Variants in TANGO6 observed in about 807,000 individuals in gnomAD.
TANGO6 encodes the protein transport and Golgi organization protein 6 homolog.
Under a neutral mutation model 114.2 loss-of-function variants are expected in TANGO6, and 90 were observed. The observed-to-expected ratio is 0.79, with a 90% CI of 0.66 to 0.94. The LOEUF (loss-of-function observed/expected upper bound fraction) is 0.94. TANGO6 is among the 40% of genes least tolerant of loss of function. The pLI is 0.00. For synonymous variants in TANGO6, 477 were observed against 509.8 expected (o/e 0.94, Z 0.87); for missense variants, 1,274 against 1,315.3 (o/e 0.97, Z 0.49).
chr16:69,058,748 C>T (rs1234810942), intron 17 of TANGO6, among the ~76,000 whole-genome samples: 1 of 152,116 alleles, frequency 6.6e-6, no homozygotes, highest in Non-Finnish European at 1.5e-5. Flanking sequence ...TCACTGCAAG[C>T]TCTGCTTCCC....
intron 7 of TANGO6, among the ~76,000 whole-genome samples, chr16:68,898,526 G>T (rs932199432): frequency 3.3e-5 from 5 of 151,790 alleles, no homozygotes; most frequent in Non-Finnish European, 7.4e-5. Flanking sequence ...TTTTTATAGT[G>T]ATGGGGTCTC....
chr16:68,880,509 G>T, intron 6 of TANGO6, 39 bp from the exon 7 acceptor site: 2 of 1,467,254 alleles, frequency 1.4e-6, no homozygotes, highest in Non-Finnish European at 1.9e-6. Flanking sequence ...TATTCAGTGA[G>T]GCACTAAATA....
chr16:69,077,174 G>A (rs908850438), intron 17 of TANGO6, among the ~76,000 whole-genome samples: 7 of 151,896 alleles, frequency 4.6e-5, no homozygotes, highest in African/African-American at 1.5e-4. Context: ...CCAAGCCCTA[G>A]ACTGCAGGCG....
chr16:68,976,541 T>C (rs1208858557), intron 15 of TANGO6, among the ~76,000 whole-genome samples: 1 of 152,218 alleles, frequency 6.6e-6, no homozygotes, highest in Non-Finnish European at 1.5e-5. Flanking sequence ...AAGTACACTT[T>C]GAATATTTTT....
chr16:69,024,033 A>G (rs1216474436), intron 16 of TANGO6, among the ~76,000 whole-genome samples: 3 of 148,782 alleles, frequency 2.0e-5, no homozygotes, highest in Non-Finnish European at 3.0e-5. Context: ...TCAGCCTCCC[A>G]TGTAGCTGGG....
chr16:68,923,834 G>C (rs546941302), intron 12 of TANGO6, among the ~76,000 whole-genome samples: 1 of 134,990 alleles, frequency 7.4e-6, no homozygotes. Context: ...GTTTTGTTTT[G>C]TTTTGTTTTT....
At chr16:69,051,491 T>C (rs543207051) in intron 17 of TANGO6, among the ~76,000 whole-genome samples, 1 of 152,214 alleles carries the variant, frequency 6.6e-6, no homozygotes, top group South Asian at 2.1e-4. Context: ...CGGTGAAACA[T>C]GGCCAACATG....
rs1020460449 is a variant in TANGO6, at chr16:69,074,279, G to A, written c.3109-9206G>A. On this transcript the variant is annotated intron_variant, in intron 17 of 17. Transcript: ENST00000261778. ...TACCATTAGTGCTGTGTGTGTGTGTGTATATATATATATATTACAGAAAAG... is the reference window on the plus strand; with the variant it reads ...TACCATTAGTGCTGTGTGTGTGTGTATATATATATATATATTACAGAAAAG... Among the ~76,000 whole-genome samples the A allele has an allele frequency of 3.1e-4, 46 of 150,438 alleles. 1 individual carries two copies. Among genetic ancestry groups the A allele is most frequent in the African/African-American group, 7.8e-4 (32 of 41,170 alleles).
intron 14 of TANGO6, among the ~76,000 whole-genome samples, chr16:68,935,255 G>A (rs1207354176): frequency 1.3e-5 from 2 of 152,182 alleles, no homozygotes; most frequent in East Asian, 3.9e-4. Context: ...GTAGCATTCA[G>A]TTGTGGGGAC....
intron 17 of TANGO6, among the ~76,000 whole-genome samples, chr16:69,069,870 A>G (rs1225027393): frequency 6.6e-6 from 1 of 152,150 alleles, no homozygotes; most frequent in Non-Finnish European, 1.5e-5. Flanking sequence ...GAAAGAATTC[A>G]GGGCGAGTCC....
chr16:68,954,107 G>A (rs539641725), intron 14 of TANGO6, among the ~76,000 whole-genome samples: 37 of 151,872 alleles, frequency 2.4e-4, no homozygotes, highest in African/African-American at 8.9e-4. Context: ...AAAGTTAGCT[G>A]GGTGTGGTGG....
chr16:68,854,983 A>G (rs1961961439), intron 1 of TANGO6, among the ~76,000 whole-genome samples: 1 of 151,132 alleles, frequency 6.6e-6, no homozygotes. Context: ...TTATAGATCA[A>G]TTTGTGGACA....
chr16:68,947,326 T>G (rs1418480119), intron 14 of TANGO6, among the ~76,000 whole-genome samples: 1 of 151,924 alleles, frequency 6.6e-6, no homozygotes, highest in Non-Finnish European at 1.5e-5. Context: ...TGGTGGTGTG[T>G]GCCTACAATC....
intron 17 of TANGO6, among the ~76,000 whole-genome samples, chr16:69,075,017 T>A (rs1425092481): frequency 6.6e-6 from 1 of 151,962 alleles, no homozygotes; most frequent in Non-Finnish European, 1.5e-5. Flanking sequence ...CCTGGCTAAT[T>A]TTTTAGTAGA....
intron 3 of TANGO6, among the ~76,000 whole-genome samples, chr16:68,865,356 C>T (rs556829435): frequency 6.6e-6 from 1 of 151,460 alleles, no homozygotes; most frequent in Admixed American, 6.6e-5. Flanking sequence ...AACATTCAAA[C>T]TGCAGCACCT....
At chr16:68,992,218 G>T (rs747848908) in intron 15 of TANGO6, among the ~76,000 whole-genome samples, 2 of 152,172 alleles carry the variant, frequency 1.3e-5, no homozygotes, top group Admixed American at 6.5e-5. Context: ...CAGCCACTGG[G>T]CAGGTAAATA....
At chr16:69,077,296 G>A (rs1469126774) in intron 17 of TANGO6, among the ~76,000 whole-genome samples, 1 of 151,974 alleles carries the variant, frequency 6.6e-6, no homozygotes, top group African/African-American at 2.4e-5. Context: ...GGCAACAGCA[G>A]ATCATTAGAC....
At chr16:69,004,344 T>C (rs1488898254) in intron 15 of TANGO6, among the ~76,000 whole-genome samples, 3 of 151,604 alleles carry the variant, frequency 2.0e-5, no homozygotes, top group East Asian at 1.9e-4. Flanking sequence ...TAGATCCAAA[T>C]TATTTCTTTT....
At chr16:68,999,549 A>G (rs1964021076) in intron 15 of TANGO6, among the ~76,000 whole-genome samples, 1 of 152,250 alleles carries the variant, frequency 6.6e-6, no homozygotes, top group Non-Finnish European at 1.5e-5. Context: ...TTATTCAAAT[A>G]ACAACATTGC....
Sources: allele counts gnomAD v4.1 joint callset (sites outside exome capture counted in the v4.1 genomes callset), GRCh38; gene constraint gnomAD v4.1.1; transcripts MANE v1.5; gene names NCBI Gene and HGNC (gene_info 2026-07-23, HGNC 2026-07-21).